ANTXR1: variants seen among roughly 807,000 people sequenced by gnomAD.
The protein encoded by ANTXR1 is ANTXR cell adhesion molecule 1, also known as anthrax toxin receptor 1.
ANTXR1 carries 19 observed loss-of-function variants against 78.1 expected under a neutral mutation model. The ratio of observed to expected loss-of-function variants is 0.24; its 90% CI spans 0.17 to 0.36. The LOEUF is 0.36. ANTXR1 is among the 10% of genes least tolerant of loss of function. ANTXR1 has a pLI of 1.00. For synonymous variants in ANTXR1, 273 were observed against 260.5 expected (o/e 1.05, Z -0.46); for missense variants, 518 against 718.6 (o/e 0.72, Z 3.19).
chr2:69,180,935 G>T (rs571456737), intron 14 of ANTXR1, among the ~76,000 whole-genome samples: 2 of 152,146 alleles, frequency 1.3e-5, no homozygotes. Context: ...TAGACAAGGG[G>T]ACAAGGGGAC....
intron 3 of ANTXR1, among the ~76,000 whole-genome samples, chr2:69,057,153 C>T (rs1329205993): frequency 6.6e-6 from 1 of 152,156 alleles, no homozygotes; most frequent in Non-Finnish European, 1.5e-5. Flanking sequence ...AACATACCAC[C>T]TGTACTTACC....
chr2:69,058,570 C>T (rs1670136629), intron 3 of ANTXR1, among the ~76,000 whole-genome samples: 1 of 152,152 alleles, frequency 6.6e-6, no homozygotes, highest in South Asian at 2.1e-4. Context: ...TATTACTACT[C>T]ATTAGCAATG....
At chr2:69,176,727 T>C (rs1342154130) in intron 14 of ANTXR1, among the ~76,000 whole-genome samples, 2 of 152,238 alleles carry the variant, frequency 1.3e-5, no homozygotes, top group African/African-American at 4.8e-5. Flanking sequence ...AGCTTATGCA[T>C]TTAAGATGTG....
intron 3 of ANTXR1, among the ~76,000 whole-genome samples, chr2:69,056,950 A>T (rs1371772090): frequency 6.6e-6 from 1 of 152,142 alleles, no homozygotes; most frequent in Non-Finnish European, 1.5e-5. Context: ...AAGTGCTGGG[A>T]TTATAGGCAT....
chr2:69,052,120 T>C (rs141796747), intron 3 of ANTXR1, among the ~76,000 whole-genome samples: 10 of 152,252 alleles, frequency 6.6e-5, no homozygotes, highest in African/African-American at 2.4e-4. Flanking sequence ...TAAGAAATAT[T>C]TGCATTGTAT....
At chr2:69,151,186 CTTTT>C (rs59147668) in intron 12 of ANTXR1, among the ~76,000 whole-genome samples, 2 of 82,560 alleles carry the variant, frequency 2.4e-5, no homozygotes, top group African/African-American at 4.9e-5. Flanking sequence ...TGATTATTTT[CTTTT>C]TTTTTTTTTT....
intron 3 of ANTXR1, among the ~76,000 whole-genome samples, chr2:69,065,004 A>G (rs1001710453): frequency 6.6e-6 from 1 of 152,098 alleles, no homozygotes; most frequent in Non-Finnish European, 1.5e-5. Context: ...TAGGGAAAGG[A>G]AAATAATAAC....
intron 14 of ANTXR1, among the ~76,000 whole-genome samples, chr2:69,174,980 A>G (rs534655339): frequency 6.6e-4 from 100 of 152,308 alleles, no homozygotes; most frequent in Non-Finnish European, 8.4e-4. Context: ...CTGGGATTCA[A>G]ACTTGTACCT....
chr2:69,180,625 A>C (rs1674250869), intron 14 of ANTXR1, among the ~76,000 whole-genome samples: 4 of 152,246 alleles, frequency 2.6e-5, no homozygotes, highest in African/African-American at 9.6e-5. Context: ...TATTTAACTT[A>C]TTTGTAAATT....
At chr2:69,164,626 C>T (rs1673779207) in intron 13 of ANTXR1, among the ~76,000 whole-genome samples, 1 of 152,170 alleles carries the variant, frequency 6.6e-6, no homozygotes, top group Non-Finnish European at 1.5e-5. Flanking sequence ...AGATAAGATC[C>T]ATGTCCCTAA....
chr2:69,057,977 C>A (rs1188320844), intron 3 of ANTXR1, among the ~76,000 whole-genome samples: 2 of 152,168 alleles, frequency 1.3e-5, no homozygotes, highest in Non-Finnish European at 2.9e-5. Context: ...CACAACATTC[C>A]CTAAGCCAAA....
intron 10 of ANTXR1, among the ~76,000 whole-genome samples, chr2:69,115,235 C>T (rs923635323): frequency 1.3e-5 from 2 of 152,226 alleles, no homozygotes; most frequent in African/African-American, 4.8e-5. Flanking sequence ...GCACTATATT[C>T]ATGTCCAAAG....
chr2:69,229,977 C>G (rs914004811), intron 17 of ANTXR1, among the ~76,000 whole-genome samples: 1 of 152,184 alleles, frequency 6.6e-6, no homozygotes, highest in African/African-American at 2.4e-5. Context: ...TGGGTCACCA[C>G]TCAGCATGAT....
chr2:69,120,415 C>T (rs1337226882), intron 10 of ANTXR1, among the ~76,000 whole-genome samples: 1 of 152,156 alleles, frequency 6.6e-6, no homozygotes, highest in African/African-American at 2.4e-5. Context: ...CCTGTAATCC[C>T]AGCACTTTGG....
At chr2:69,182,065 G>C in intron 15 of ANTXR1, 184 bp downstream of exon 15, 1 of 645,594 alleles carries the variant, frequency 1.5e-6, no homozygotes, top group Non-Finnish European at 2.8e-6. Context: ...TTGAGGTCTG[G>C]TGGGGATATG....
chr2:69,046,965 G>C (rs929529114), intron 3 of ANTXR1, among the ~76,000 whole-genome samples: 1 of 152,152 alleles, frequency 6.6e-6, no homozygotes, highest in Non-Finnish European at 1.5e-5. Flanking sequence ...TAAATCAAAA[G>C]AAATAATATC....
intron 9 of ANTXR1, 94 bp from the exon 10 acceptor site, chr2:69,102,747 TG>T: frequency 7.7e-7 from 1 of 1,302,080 alleles, no homozygotes; most frequent in Non-Finnish European, 1.1e-6. Flanking sequence ...ATTTTAAGCC[TG>T]GTGAAATAGT....
intron 12 of ANTXR1, chr2:69,145,919 T>G: frequency 4.1e-6 from 4 of 985,754 alleles, no homozygotes; most frequent in Non-Finnish European, 4.8e-6. Context: ...CAAGAGATGC[T>G]TTCATTATTG....
chr2:69,183,709 C>T (rs1442516667), intron 16 of ANTXR1, among the ~76,000 whole-genome samples: 1 of 151,598 alleles, frequency 6.6e-6, no homozygotes, highest in African/African-American at 2.4e-5. Flanking sequence ...GCCACCATGC[C>T]CAGCCTGAAG....
Sources: gnomAD v4.1 joint callset for allele counts (sites outside exome capture counted in the v4.1 genomes callset) on GRCh38, gnomAD v4.1.1 for gene constraint, MANE v1.5 for transcripts, NCBI Gene and HGNC (gene_info 2026-07-23, HGNC 2026-07-21) for gene names.